The following DCHS2 variants were observed in gnomAD, a reference collection of about 807,000 sequenced individuals.
The protein encoded by DCHS2 is protocadherin-23.
A neutral mutation model predicts 182.4 loss-of-function variants in DCHS2; 142 were observed. The observed-to-expected ratio is 0.78, with a 90% CI of 0.68 to 0.89. The LOEUF (loss-of-function observed/expected upper bound fraction) is 0.89. Among genes scored for constraint, DCHS2 ranks in the 40% least tolerant of loss-of-function variants. The pLI, the probability that DCHS2 is intolerant of heterozygous loss-of-function variation, is 0.00. For synonymous variants in DCHS2, 1,740 were observed against 1,663.3 expected (o/e 1.05, Z -1.12); for missense variants, 4,319 against 4,198.6 (o/e 1.03, Z -0.79).
intron 1 of DCHS2, among the ~76,000 whole-genome samples, chr4:154,416,186 A>G (rs1006612481): frequency 5.9e-5 from 9 of 152,146 alleles, no homozygotes; most frequent in Non-Finnish European, 8.8e-5. Flanking sequence ...GCTGTCTGAA[A>G]GTTGGGGAGA....
intron 1 of DCHS2, among the ~76,000 whole-genome samples, chr4:154,415,503 C>G (rs1474707165): frequency 6.6e-6 from 1 of 152,178 alleles, no homozygotes; most frequent in African/African-American, 2.4e-5. Context: ...CTTGAATGAG[C>G]TGGCATTTGA....
chr4:154,489,669 C>G lies in DCHS2; in HGVS notation c.1687G>C (p.Ala563Pro). The G allele has an allele frequency of 1.9e-6, 3 of 1,551,632 alleles. No individual in the cohort carries two copies. ...CTGCCTGCCTCGTCGGCATCGGAGG[C>G]GCTGACCCACATGACTACAGTGCCA... ...APGTVVMWVS[A>P]SDADEAGSDH... The change falls in exon 1 of 20, where the codon GCC (alanine) becomes CCC (proline). Residue 563 changes from alanine to proline, a missense_variant. Coordinates refer to ENST00000357232, the MANE Select transcript of DCHS2 (RefSeq NM_001358235.2).
intron 14 of DCHS2, among the ~76,000 whole-genome samples, chr4:154,266,322 GGT>G (rs146281730): frequency 0.64 from 72,884 of 113,292 alleles, 18,833 homozygotes; most frequent in South Asian, 0.67. Flanking sequence ...GAGTTGCAGG[GGT>G]TTTTTTTTTG....
At position 154,239,347 on chromosome 4, in the gene DCHS2, A is replaced by C. The variant is rs767636010; in HGVS notation, c.7360-45T>G. On this transcript the variant is annotated intron_variant, in intron 18 of 19. Coordinates refer to ENST00000357232, the MANE Select transcript of DCHS2 (RefSeq NM_001358235.2). The stretch of plus-strand genomic sequence containing the variant: ...ATAGGGACATTGTGCTTAAAGGCTG[A>C]AGGTATTTTCACCAACAGGGACAGA... 3 of 1,606,352 alleles carry C rather than the reference A, an allele frequency of 1.9e-6. No homozygotes were observed. The South Asian group carries it at 3.3e-5, about 18-fold the overall frequency.
At chr4:154,390,097 T>A (rs1394053415) in intron 1 of DCHS2, among the ~76,000 whole-genome samples, 1 of 136,104 alleles carries the variant, frequency 7.3e-6, no homozygotes, top group African/African-American at 2.8e-5. Context: ...TTTTTTATTT[T>A]TTTAAATTTT....
intron 1 of DCHS2, among the ~76,000 whole-genome samples, chr4:154,474,150 T>TC (rs1347469431): frequency 6.6e-6 from 1 of 152,150 alleles, no homozygotes; most frequent in African/African-American, 2.4e-5. Context: ...CAGGGCCTTC[T>TC]CCCCTGTCTC....
At chr4:154,265,392 G>A (rs188537786) in intron 14 of DCHS2, among the ~76,000 whole-genome samples, 34 of 152,282 alleles carry the variant, frequency 2.2e-4, no homozygotes, top group African/African-American at 7.9e-4. Flanking sequence ...AGAAGAGTAC[G>A]TAGCATGATT....
rs763568696 is a variant in DCHS2, at chr4:154,322,391, A to G, written c.4116T>C (p.Ser1372=). The G allele has an allele frequency of 6.2e-7, 1 of 1,613,778 alleles. No homozygotes were observed. Among genetic ancestry groups the G allele is most frequent in the East Asian group, 2.2e-5 (1 of 44,842 alleles). Reference sequence around the variant, plus strand: ...GCACTCCCTGGTCAGTGGCAATGACACTCATTCTGTAGGAAGGTCTATAAT... The same window carrying G: ...GCACTCCCTGGTCAGTGGCAATGACGCTCATTCTGTAGGAAGGTCTATAAT... The part of the protein sequence containing the change: ...SYDYRPSYRM[S]VIATDQGVPP... Residue 1372 remains serine, a synonymous_variant, in exon 8 of 20, where the codon AGT becomes AGC. Coordinates refer to ENST00000357232, the MANE Select transcript of DCHS2 (RefSeq NM_001358235.2).
intron 3 of DCHS2, chr4:154,357,091 A>G: frequency 1.6e-6 from 1 of 618,860 alleles, no homozygotes; most frequent in East Asian, 2.6e-5. Flanking sequence ...CGCTAGTAAA[A>G]TAATCTAACA....
In DCHS2 at chr4:154,406,782, T is replaced by C. The variant is rs149618159; in HGVS notation, c.2053-29338A>G. On this transcript the variant is annotated intron_variant, in intron 1 of 19. Coordinates refer to ENST00000357232, the MANE Select transcript of DCHS2 (RefSeq NM_001358235.2). ...CTTCCTTTCTTCTTTTGCTATTGTG[T>C]TGGACAACATTGTCAATTTCCCAAT... Among the ~76,000 whole-genome samples, 509 of 152,354 alleles carry C rather than the reference T, an allele frequency of 3.3e-3. 4 individuals carry two copies. The highest frequency in any genetic ancestry group is 6.0e-3 in the Non-Finnish European group (407 of 68,034).
At chr4:154,366,717 A>G (rs1317719988) in intron 2 of DCHS2, among the ~76,000 whole-genome samples, 1 of 152,152 alleles carries the variant, frequency 6.6e-6, no homozygotes, top group African/African-American at 2.4e-5. Context: ...GTATGAATTC[A>G]TAGGTAACAG....
chr4:154,242,876 G>C, intron 16 of DCHS2, 104 bp from the exon 17 acceptor site: 1 of 1,384,776 alleles, frequency 7.2e-7, no homozygotes. Flanking sequence ...GAGCTGACTA[G>C]CTACTTTTAT....
intron 1 of DCHS2, among the ~76,000 whole-genome samples, chr4:154,466,587 T>C (rs1735249417): frequency 6.6e-6 from 1 of 152,214 alleles, no homozygotes; most frequent in African/African-American, 2.4e-5. Context: ...ATTCTTGGCA[T>C]ACCCAGCAAG....
rs1731295404 is a variant in DCHS2, at chr4:154,233,618, A to T, written c.*918T>A. 6.6e-6 allele frequency: 1 copy of T among 152,210 alleles called. No individual in the cohort carries two copies. The highest frequency in any genetic ancestry group is 2.4e-5 in the African/African-American group (1 of 41,462). The allele number at this position is 152,210 out of a possible 1,614,324, so 9.4% of individuals were successfully genotyped here. On this transcript the variant is annotated 3_prime_UTR_variant, in exon 20 of 20. Transcript: ENST00000357232. The stretch of plus-strand genomic sequence containing the variant: ...AGTGGATAAATTATTTCACACAAAA[A>T]AGTTACTGTATCTAGAAGAAAATAA...
At chr4:154,375,650 T>C (rs1730854836) in intron 2 of DCHS2, among the ~76,000 whole-genome samples, 1 of 152,160 alleles carries the variant, frequency 6.6e-6, no homozygotes, top group East Asian at 1.9e-4. Flanking sequence ...AGTACTATTA[T>C]TTCTATAATA....
At chr4:154,288,986 A>G (rs916104228) in intron 13 of DCHS2, among the ~76,000 whole-genome samples, 1 of 152,142 alleles carries the variant, frequency 6.6e-6, no homozygotes, top group African/African-American at 2.4e-5. Context: ...AAAAATGTCA[A>G]ATAAACAATC....
chr4:154,240,681 C>T lies in DCHS2; in HGVS notation c.7215G>A (p.Val2405=), dbSNP rs2111103441. 1.2e-6 allele frequency: 2 copies of T among 1,613,942 alleles called. No homozygotes were observed. Among genetic ancestry groups the T allele is most frequent in the South Asian group, 1.1e-5 (1 of 91,080 alleles). ...TCATTTCTTCAAAATCCAATGTTTTCACCAACACCACCACTCCAGTGTTCT... is the reference window on the plus strand; with the variant it reads ...TCATTTCTTCAAAATCCAATGTTTTTACCAACACCACCACTCCAGTGTTCT... The part of the protein sequence containing the change: ...IDQNTGVVVL[V]KTLDFEEMTE... The change falls in exon 18 of 20, where the codon GTG becomes GTA. Residue 2405 remains valine, a synonymous_variant. Coordinates refer to ENST00000357232, the MANE Select transcript of DCHS2 (RefSeq NM_001358235.2).
intron 2 of DCHS2, chr4:154,373,888 G>A (rs1382612350): frequency 5.1e-6 from 8 of 1,565,338 alleles, no homozygotes; most frequent in Non-Finnish European, 7.0e-6. Flanking sequence ...GATGTTAAAA[G>A]ACTCAGATTA....
Position 154,329,575 on chromosome 4 carries a change from T to C in DCHS2, c.3866A>G (p.Asp1289Gly). The change falls in exon 6 of 20, where the codon GAT becomes GGT. Residue 1289 changes from aspartate (D) to glycine (G), a missense_variant. Physicochemically the swap from Asp to Gly is moderately conservative, Grantham distance 94 (BLOSUM62 -1). Coordinates refer to ENST00000357232, the MANE Select transcript of DCHS2 (RefSeq NM_001358235.2). ...AVYVSVTDIN[D>G]NRPFFPQCLP... Reference sequence around the variant, plus strand: ...ACACTGGGGGAAGAAGGGCCTGTTATCATTGATGTCAGTAACTGAGACGTA... The same window carrying C: ...ACACTGGGGGAAGAAGGGCCTGTTACCATTGATGTCAGTAACTGAGACGTA... 1 of 1,613,694 alleles carries C rather than the reference T, an allele frequency of 6.2e-7. No homozygotes were observed. Among genetic ancestry groups the C allele is most frequent in the Non-Finnish European group, 8.5e-7 (1 of 1,179,930 alleles).
Sources: gnomAD v4.1 joint callset for allele counts (sites outside exome capture counted in the v4.1 genomes callset) on GRCh38, gnomAD v4.1.1 for gene constraint, MANE v1.5 for transcripts, NCBI Gene and HGNC (gene_info 2026-07-23, HGNC 2026-07-21) for gene names.